NUMB: variants seen among roughly 807,000 people sequenced by gnomAD.
NUMB encodes the protein protein numb homolog.
Under a neutral mutation model 59.7 loss-of-function variants are expected in NUMB, and 29 were observed. The observed-to-expected ratio is 0.49, with a 90% confidence interval of 0.36 to 0.66. The LOEUF is 0.66. Among genes scored for constraint, NUMB ranks in the 30% least tolerant of loss-of-function variants. The pLI is 0.00. For synonymous variants in NUMB, 288 were observed against 288.2 expected, an observed-to-expected ratio of 1.00 and a Z score of 0.01; for missense variants, 723 against 822.0, an observed-to-expected ratio of 0.88 and a Z score of 1.47.
intron 1 of NUMB, among the ~76,000 whole-genome samples, chr14:73,447,810 G>A (rs1419188436): frequency 6.7e-6 from 1 of 149,194 alleles, no homozygotes; most frequent in Non-Finnish European, 1.5e-5. Context: ...TGAGATGGAG[G>A]CTGACTCTGT....
At chr14:73,455,555 T>A (rs534347911) in intron 1 of NUMB, among the ~76,000 whole-genome samples, 2 of 152,238 alleles carry the variant, frequency 1.3e-5, no homozygotes, top group Non-Finnish European at 2.9e-5. Context: ...TACTTTGTAG[T>A]TAAGCCTCTA....
chr14:73,391,283 C>CTTT (rs369541360), intron 2 of NUMB, among the ~76,000 whole-genome samples: 1 of 133,808 alleles, frequency 7.5e-6, no homozygotes, highest in Admixed American at 7.4e-5. Flanking sequence ...GATTTTTTTT[C>CTTT]TTTTTTTTTT....
At chr14:73,345,769 G>A (rs750705798) in intron 4 of NUMB, among the ~76,000 whole-genome samples, 9 of 151,892 alleles carry the variant, frequency 5.9e-5, no homozygotes, top group South Asian at 2.1e-4. Context: ...TTAGCCGGGC[G>A]TGGTGGCAGG....
intron 6 of NUMB, among the ~76,000 whole-genome samples, chr14:73,310,552 G>A (rs968849378): frequency 2.6e-5 from 4 of 152,162 alleles, no homozygotes; most frequent in Non-Finnish European, 4.4e-5. Flanking sequence ...TCAACATGGG[G>A]TAGATGAAAG....
intron 1 of NUMB, among the ~76,000 whole-genome samples, chr14:73,415,763 G>A (rs908575629): frequency 2.6e-5 from 4 of 151,960 alleles, no homozygotes; most frequent in African/African-American, 4.8e-5. Context: ...CACCACGTCC[G>A]GCCTCTTGTA....
chr14:73,419,410 G>A (rs913057514), intron 1 of NUMB, among the ~76,000 whole-genome samples: 2 of 152,174 alleles, frequency 1.3e-5, no homozygotes, highest in Non-Finnish European at 2.9e-5. Flanking sequence ...CTAGGAGGCT[G>A]AGGCAGGAGA....
At chr14:73,282,073 C>G (rs1460636517) in intron 11 of NUMB, among the ~76,000 whole-genome samples, 4 of 152,150 alleles carry the variant, frequency 2.6e-5, no homozygotes, top group Admixed American at 1.3e-4. Context: ...TGATCCTTAA[C>G]AGTCAAGTGG....
chr14:73,437,448 T>C (rs1898106518), intron 1 of NUMB, among the ~76,000 whole-genome samples: 1 of 152,170 alleles, frequency 6.6e-6, no homozygotes, highest in Admixed American at 6.5e-5. Flanking sequence ...ATGGAAACAA[T>C]GCCATAGGGA....
chr14:73,412,989 T>C (rs1331741887), intron 1 of NUMB, among the ~76,000 whole-genome samples: 1 of 151,962 alleles, frequency 6.6e-6, no homozygotes, highest in East Asian at 1.9e-4. Context: ...AAATACGAAG[T>C]AGTGGGTATG....
At chr14:73,301,962 A>G (rs372996483) in intron 6 of NUMB, among the ~76,000 whole-genome samples, 1 of 152,140 alleles carries the variant, frequency 6.6e-6, no homozygotes, top group East Asian at 1.9e-4. Context: ...ACGTGCCTGT[A>G]ATTCCAGCTA....
rs537809896 is a variant in NUMB at position 73,445,809 on chromosome 14, G to C, written c.-233+12684C>G. On this transcript the variant is annotated intron_variant, in intron 1 of 12. Coordinates refer to ENST00000555238, the MANE Select transcript of NUMB (RefSeq NM_001005743.2). ...GAGCTGAAGGTGAATTCAGGCAATTGGAGTTCATTTTACCATACCACCTCC... is the reference window on the plus strand; with the variant it reads ...GAGCTGAAGGTGAATTCAGGCAATTCGAGTTCATTTTACCATACCACCTCC... 2.0e-3 allele frequency among the ~76,000 whole-genome samples: 298 copies of C among 152,150 alleles called. 2 individuals carry two copies. Among genetic ancestry groups the C allele is most frequent in the African/African-American group, 6.3e-3 (262 of 41,500 alleles).
At chr14:73,339,815 CA>C (rs1436089973) in intron 4 of NUMB, among the ~76,000 whole-genome samples, 6 of 152,124 alleles carry the variant, frequency 3.9e-5, no homozygotes, top group Non-Finnish European at 8.8e-5. Context: ...GCTATTTATT[CA>C]GAGCTTGCTA....
chr14:73,391,800 G>C (rs1358237005), intron 2 of NUMB, among the ~76,000 whole-genome samples: 1 of 152,134 alleles, frequency 6.6e-6, no homozygotes, highest in African/African-American at 2.4e-5. Context: ...GTAGTTTTCT[G>C]GCAATCTCAT....
At chr14:73,310,606 A>G (rs1339714940) in intron 6 of NUMB, among the ~76,000 whole-genome samples, 6 of 152,224 alleles carry the variant, frequency 3.9e-5, no homozygotes, top group Admixed American at 3.3e-4. Context: ...CAGTGTAGGC[A>G]CTGCCATTTA....
intron 8 of NUMB, 107 bp from the exon 9 acceptor site, chr14:73,287,421 C>A (rs1366204459): frequency 1.5e-5 from 15 of 1,002,206 alleles, no homozygotes; most frequent in Non-Finnish European, 2.0e-5. Flanking sequence ...TACTGTTACC[C>A]AGGCTGGAGT....
Position 73,316,308 on chromosome 14 carries a change from T to C in NUMB, c.234+82A>G, listed in dbSNP as rs532116749. 6 of 1,146,708 alleles carry C rather than the reference T, an allele frequency of 5.2e-6. No individual in the cohort carries two copies. In the South Asian group the frequency reaches 7.7e-5, roughly 15 times the overall value. The allele number at this position is 1,146,708 out of a possible 1,614,324, so 71.0% of individuals were successfully genotyped here. A position where few individuals can be genotyped will look rare whatever the true frequency, so the allele number is the denominator to read the frequency against. ...CTGCATTATAAAGAAACCAAAGCTG[T>C]ACTAGTTTTAAAAAATATGTCAGTG... On this transcript the variant is annotated intron_variant, in intron 6 of 12. Coordinates refer to ENST00000555238, the MANE Select transcript of NUMB (RefSeq NM_001005743.2).
chr14:73,415,472 A>G (rs1350940825), intron 1 of NUMB, among the ~76,000 whole-genome samples: 1 of 149,526 alleles, frequency 6.7e-6, no homozygotes, highest in Non-Finnish European at 1.5e-5. Context: ...ACGATAAACT[A>G]TTTCTCCTTA....
intron 3 of NUMB, chr14:73,357,094 T>G (rs1893829107): frequency 1.4e-6 from 1 of 735,888 alleles, no homozygotes; most frequent in Non-Finnish European, 1.7e-6. Flanking sequence ...ACAAGTTTCA[T>G]TATCAACTCT....
At chr14:73,355,548 C>T (rs1893738306) in intron 4 of NUMB, 78 bp downstream of exon 4, 1 of 1,315,874 alleles carries the variant, frequency 7.6e-7, no homozygotes, top group African/African-American at 1.5e-5. Flanking sequence ...TCTTAATTGT[C>T]CTTATTAATG....
Sources: allele counts gnomAD v4.1 joint callset (sites outside exome capture counted in the v4.1 genomes callset), GRCh38; gene constraint gnomAD v4.1.1; transcripts MANE v1.5; gene names NCBI Gene and HGNC (gene_info 2026-07-23, HGNC 2026-07-21).